Variants in CACNA2D4 observed in about 807,000 individuals in gnomAD.
CACNA2D4 encodes voltage-dependent calcium channel subunit alpha-2/delta-4.
In CACNA2D4, 157 loss-of-function variants were observed where a neutral mutation model predicts 163.8. The ratio of observed to expected loss-of-function variants is 0.96; its 90% CI spans 0.84 to 1.09. CACNA2D4 has a LOEUF of 1.09. CACNA2D4 is among the 50% of genes least tolerant of loss of function. The probability of loss-of-function intolerance (pLI) is 0.00; values close to 1 mark genes in which losing one functional copy is unlikely to be tolerated. For synonymous variants in CACNA2D4, 598 were observed against 586.9 expected (o/e 1.02, Z -0.27); for missense variants, 1,410 against 1,479.9 (o/e 0.95, Z 0.78).
rs148970681 is a variant in CACNA2D4, at chr12:1,846,598, C to T, written c.2338G>A (p.Asp780Asn). Residue 780 changes from aspartate (D) to asparagine (N), a missense_variant, in exon 24 of 38, where the codon GAC (aspartate) becomes AAC (asparagine). Physicochemically the swap from Asp to Asn is conservative, Grantham distance 23. Coordinates refer to ENST00000382722, the MANE Select transcript of CACNA2D4 (RefSeq NM_172364.5). ...SLFVGSEKVS[D>N]RKFLTPEDEA... is the part of the protein sequence containing the mutation. ...GAGGTGGCCGGCCCAACCCACCTGT[C>T]GGAGACCTTCTCGGAGCCCACGAAC... 438 of 1,593,826 alleles carry T rather than the reference C, an allele frequency of 2.7e-4. No homozygotes were observed. In the African/African-American group the frequency reaches 5.0e-3, roughly 18 times the overall value.
At chr12:1,880,761 CT>C (rs1200102590) in intron 13 of CACNA2D4, among the ~76,000 whole-genome samples, 3 of 152,230 alleles carry the variant, frequency 2.0e-5, no homozygotes, top group African/African-American at 7.2e-5. Context: ...AGAAGTAAGG[CT>C]TTCTGAGAGT....
chr12:1,897,343 T>C (rs1286903143), intron 6 of CACNA2D4, among the ~76,000 whole-genome samples: 1 of 152,204 alleles, frequency 6.6e-6, no homozygotes, highest in Non-Finnish European at 1.5e-5. Flanking sequence ...TAGTTAGCAC[T>C]GCATTGTATA....
chr12:1,854,820 T>C (rs1015209753), intron 22 of CACNA2D4, among the ~76,000 whole-genome samples: 1 of 152,210 alleles, frequency 6.6e-6, no homozygotes, highest in Non-Finnish European at 1.5e-5. Context: ...CTCTTTCTTT[T>C]TCTTCTCTCA....
At chr12:1,870,426 A>T (rs1865744659) in intron 18 of CACNA2D4, among the ~76,000 whole-genome samples, 1 of 151,460 alleles carries the variant, frequency 6.6e-6, no homozygotes, top group Non-Finnish European at 1.5e-5. Context: ...TGGAAATGCA[A>T]ATTCTGTTCT....
rs1440541311 is a variant in CACNA2D4, at chr12:1,798,638, C to T, written c.2995+1037G>A. 6.6e-6 allele frequency among the ~76,000 whole-genome samples: 1 copy of T among 152,162 alleles called. No homozygotes were observed. Among genetic ancestry groups the T allele is most frequent in the South Asian group, 2.1e-4 (1 of 4,828 alleles). On this transcript the variant is annotated intron_variant, in intron 34 of 37. Transcript: ENST00000382722. The surrounding 1 kb of genome is among the most constrained non-coding windows in gnomAD (Gnocchi z 4.3). ...AGCACCTACGCCCCGGCCTGGGACT[C>T]CAAGTCCAGTGCGCCTTCACTGGGG...
intron 22 of CACNA2D4, 88 bp downstream of exon 22, chr12:1,855,924 T>C: frequency 4.2e-6 from 4 of 947,352 alleles, no homozygotes; most frequent in Non-Finnish European, 6.8e-6. Context: ...TGCAGCAGCC[T>C]CCCCCTGCCT....
In CACNA2D4 at chr12:1,882,964, T is replaced by A. The variant is rs201865553; in HGVS notation, c.1388A>T (p.Gln463Leu). The A allele has an allele frequency of 3.7e-5, 60 of 1,613,366 alleles. No individual in the cohort carries two copies. In the East Asian group the frequency reaches 7.1e-4, roughly 19 times the overall value. Reference protein sequence around the residue: ...YTQISTLADTQENVMEYLHVL... With the variant: ...YTQISTLADTLENVMEYLHVL... ...GTGCAGGTATTCCATCACGTTCTCC[T>A]GGGTGTCCGCCAGCGTTGAGATCTG... Residue 463 changes from glutamine (Q) to leucine (L), a missense_variant, in exon 13 of 38, where the codon CAG (glutamine) becomes CTG (leucine). By Grantham distance (113) the Gln-to-Leu change is moderately radical. Transcript: ENST00000382722.
Position 1,811,690 on chromosome 12 carries a change from TG to T in CACNA2D4, c.2584del (p.Gln862SerfsTer39). The T allele has an allele frequency of 6.4e-7, 1 of 1,561,208 alleles. No individual in the cohort carries two copies. Among genetic ancestry groups the T allele is most frequent in the Non-Finnish European group, 8.7e-7 (1 of 1,152,206 alleles). The part of the protein sequence containing the change: ...AGVQMKLEFL[Q>X]RKFWAATRQC... Reference sequence around the variant, plus strand: ...CCGCGTTGCCGCCCAGAATTTGCGCTGGAGGAATTCCAGCTTCATTTGGACG... The same window carrying T: ...CCGCGTTGCCGCCCAGAATTTGCGCTGAGGAATTCCAGCTTCATTTGGACG... On this transcript the variant is annotated frameshift_variant, in exon 27 of 38. Transcript: ENST00000382722. LOFTEE classifies it high-confidence loss of function.
chr12:1,873,171 T>C (rs1184462400), intron 18 of CACNA2D4, among the ~76,000 whole-genome samples: 1 of 152,172 alleles, frequency 6.6e-6, no homozygotes, highest in Non-Finnish European at 1.5e-5. Context: ...TTTCCATCAT[T>C]ATTATTAGCT....
rs961256280 is a variant in CACNA2D4 at position 1,883,761 on chromosome 12, G to A, written c.1351+482C>T. Among the ~76,000 whole-genome samples, 1 of 152,272 alleles carries A rather than the reference G, an allele frequency of 6.6e-6. No homozygotes were observed. The highest frequency in any genetic ancestry group is 2.4e-5 in the African/African-American group (1 of 41,548). On this transcript the variant is annotated intron_variant, in intron 12 of 37. Transcript: ENST00000382722. The surrounding 1 kb of genome is among the most constrained non-coding windows in gnomAD (Gnocchi z 4.5). ...ATCAAAGCACATTTCAGGCTGCATCGTGGGTGGTGTTTTACTTGTATGTCT... is the reference window on the plus strand; with the variant it reads ...ATCAAAGCACATTTCAGGCTGCATCATGGGTGGTGTTTTACTTGTATGTCT...
At chr12:1,890,155 G>C (rs948387774) in intron 6 of CACNA2D4, among the ~76,000 whole-genome samples, 1 of 152,172 alleles carries the variant, frequency 6.6e-6, no homozygotes, top group South Asian at 2.1e-4. Flanking sequence ...CTAGACTCTT[G>C]TAGGCCTTAA....
Position 1,845,048 on chromosome 12 carries a change from G to A in CACNA2D4, c.2343-519C>T, listed in dbSNP as rs148654715. 2.2e-3 allele frequency among the ~76,000 whole-genome samples: 338 copies of A among 151,468 alleles called. 8 individuals carry two copies. Among genetic ancestry groups the A allele is most frequent in the Admixed American group, 0.018 (274 of 15,190 alleles). ...CGGCAGCCCACAGAAGGGAGTGTTCGGCCAGAAGCAGAGTGGGAGGCAGGG... is the reference window on the plus strand; with the variant it reads ...CGGCAGCCCACAGAAGGGAGTGTTCAGCCAGAAGCAGAGTGGGAGGCAGGG... On this transcript the variant is annotated intron_variant, in intron 24 of 37. Coordinates refer to ENST00000382722, the MANE Select transcript of CACNA2D4 (RefSeq NM_172364.5).
rs111788990 is a variant in CACNA2D4 at position 1,883,043 on chromosome 12, C to T, written c.1352-43G>A. 1 of 1,586,276 alleles carries T rather than the reference C, an allele frequency of 6.3e-7. No homozygotes were observed. The highest frequency in any genetic ancestry group is 2.3e-5 in the East Asian group (1 of 43,766). On this transcript the variant is annotated intron_variant, in intron 12 of 37. Coordinates refer to ENST00000382722, the MANE Select transcript of CACNA2D4 (RefSeq NM_172364.5). The surrounding 1 kb of genome is among the most constrained non-coding windows in gnomAD (Gnocchi z 4.5). ...GCGTGGGTGTGGAAGGCAGGGCTTC[C>T]CTGGGAACCCCTCGCCAGGGCCTGC... is the stretch of plus-strand genomic sequence containing the variant.
At chr12:1,837,487 T>C in intron 26 of CACNA2D4, among the ~76,000 whole-genome samples, 1 of 152,092 alleles carries the variant, frequency 6.6e-6, no homozygotes, top group Non-Finnish European at 1.5e-5. Context: ...GTTATAAGCA[T>C]GCTGCAAGCC....
In CACNA2D4 at chr12:1,820,894, G is replaced by A. The variant is rs891250165; in HGVS notation, c.2552-9171C>T. 2.0e-5 allele frequency: 3 copies of A among 152,254 alleles called. No individual in the cohort carries two copies. The highest frequency in any genetic ancestry group is 1.3e-4 in the Admixed American group (2 of 15,292). 9.4% of individuals were successfully genotyped at this position (152,254 alleles called of 1,614,324 possible). ...GGTCGGGGCATGGGAAGTGGGCACC[G>A]GCCATCTCTGCCCTGCAGGAATAGC... On this transcript the variant is annotated intron_variant, in intron 26 of 37. Coordinates refer to ENST00000382722, the MANE Select transcript of CACNA2D4 (RefSeq NM_172364.5). The surrounding 1 kb of genome is among the most constrained non-coding windows in gnomAD (Gnocchi z 6.0).
At chr12:1,808,472 G>T (rs893351406) in intron 29 of CACNA2D4, among the ~76,000 whole-genome samples, 2 of 152,254 alleles carry the variant, frequency 1.3e-5, no homozygotes, top group African/African-American at 4.8e-5. Context: ...TTTGCTCACA[G>T]ATCGCCCATG....
At chr12:1,918,159 G>T in intron 1 of CACNA2D4, 88 bp downstream of exon 1, 1 of 926,742 alleles carries the variant, frequency 1.1e-6, no homozygotes, top group Non-Finnish European at 1.7e-6. Flanking sequence ...AGGGGCGGGA[G>T]GAGTGGGCAG....
At position 1,834,539 on chromosome 12, in the gene CACNA2D4, G is replaced by A. The variant is rs754081152; in HGVS notation, c.2551+6200C>T. The A allele has an allele frequency of 1.9e-6, 3 of 1,604,650 alleles. No homozygotes were observed. The highest frequency in any genetic ancestry group is 2.5e-6 in the Non-Finnish European group (3 of 1,179,920). On this transcript the variant is annotated intron_variant, in intron 26 of 37. Coordinates refer to ENST00000382722, the MANE Select transcript of CACNA2D4 (RefSeq NM_172364.5). The surrounding 1 kb of genome is among the most constrained non-coding windows in gnomAD (Gnocchi z 7.6). Reference sequence around the variant, plus strand: ...GAGCGTGAGGCGAGCCATGGGCACGGTGATCATTGCAGGGGTCGTGTGCGG... The same window carrying A: ...GAGCGTGAGGCGAGCCATGGGCACGATGATCATTGCAGGGGTCGTGTGCGG...
At chr12:1,873,601 G>T (rs1443158209) in intron 18 of CACNA2D4, among the ~76,000 whole-genome samples, 3 of 152,200 alleles carry the variant, frequency 2.0e-5, no homozygotes, top group African/African-American at 7.2e-5. Context: ...CAGTGCTGTG[G>T]CCGTGCTGGG....
Sources: allele counts gnomAD v4.1 joint callset (sites outside exome capture counted in the v4.1 genomes callset), GRCh38; gene constraint gnomAD v4.1.1; non-coding constraint Gnocchi (gnomAD v3.1); transcripts MANE v1.5; gene names NCBI Gene and HGNC (gene_info 2026-07-23, HGNC 2026-07-21).